Variants in CSMD1 observed in about 807,000 individuals in gnomAD.
CSMD1 encodes CUB and sushi domain-containing protein 1.
CSMD1 carries 213 observed loss-of-function variants against 417.5 expected under a neutral mutation model. That is an observed-to-expected ratio of 0.51 (90% CI 0.46 to 0.57). The LOEUF is 0.57. CSMD1 is among the 20% of genes least tolerant of loss of function. The pLI, the probability that CSMD1 is intolerant of heterozygous loss-of-function variation, is 0.00. For missense variants in CSMD1, 6,923 were observed against 4,529.7 expected, an observed-to-expected ratio of 1.53 and a Z score of -15.17; for synonymous variants, 2,862 against 1,736.8, an observed-to-expected ratio of 1.65 and a Z score of -16.11.
chr8:3,725,756 G>C (rs1422402583), intron 6 of CSMD1, among the ~76,000 whole-genome samples: 1 of 152,156 alleles, frequency 6.6e-6, no homozygotes, highest in African/African-American at 2.4e-5. Flanking sequence ...AGTGAGGGCA[G>C]AGTGGAAGGA....
chr8:2,965,335 G>A (rs936699794), intron 59 of CSMD1, among the ~76,000 whole-genome samples: 1 of 152,088 alleles, frequency 6.6e-6, no homozygotes, highest in Non-Finnish European at 1.5e-5. Context: ...AAACATCACG[G>A]TGCTAACACT....
chr8:3,259,632 T>G (rs1800910302), intron 26 of CSMD1, among the ~76,000 whole-genome samples: 1 of 152,188 alleles, frequency 6.6e-6, no homozygotes, highest in Non-Finnish European at 1.5e-5. Context: ...CTCCTCGAGA[T>G]TTTAATATGT....
chr8:4,798,247 G>A (rs28369591), intron 1 of CSMD1, among the ~76,000 whole-genome samples: 1 of 152,098 alleles, frequency 6.6e-6, no homozygotes, highest in Non-Finnish European at 1.5e-5. Flanking sequence ...CCACCTATGA[G>A]TGAGAACATG....
At chr8:4,360,695 A>G (rs1331463048) in intron 3 of CSMD1, among the ~76,000 whole-genome samples, 1 of 151,940 alleles carries the variant, frequency 6.6e-6, no homozygotes, top group African/African-American at 2.4e-5. Context: ...GGGTTTCAAC[A>G]TCTTAGCCAG....
chr8:3,381,260 C>A (rs1810610014), intron 18 of CSMD1, among the ~76,000 whole-genome samples: 1 of 151,440 alleles, frequency 6.6e-6, no homozygotes, highest in African/African-American at 2.4e-5. Flanking sequence ...TTCAACAGAT[C>A]TACCCACATG....
At chr8:4,301,684 G>C (rs1332695442) in intron 3 of CSMD1, among the ~76,000 whole-genome samples, 2 of 152,190 alleles carry the variant, frequency 1.3e-5, no homozygotes, top group Admixed American at 6.5e-5. Flanking sequence ...GCATGGACCA[G>C]ATTATTATTT....
At chr8:4,830,326 C>T (rs1243220149) in intron 1 of CSMD1, among the ~76,000 whole-genome samples, 1 of 152,194 alleles carries the variant, frequency 6.6e-6, no homozygotes, top group Non-Finnish European at 1.5e-5. Flanking sequence ...TTTCTCACTG[C>T]CAGCATCTAC....
intron 2 of CSMD1, among the ~76,000 whole-genome samples, chr8:4,436,781 C>T (rs150980373): frequency 6.6e-6 from 1 of 152,152 alleles, no homozygotes; most frequent in Non-Finnish European, 1.5e-5. Flanking sequence ...ATTTCTCTTT[C>T]AGTGCCTACC....
rs78142296 is a variant in CSMD1 at position 4,918,745 on chromosome 8, C to T, written c.85+75587G>A. 3.6e-4 allele frequency among the ~76,000 whole-genome samples: 55 copies of T among 151,978 alleles called. No homozygotes were observed. The East Asian group carries it at 8.3e-3, about 23-fold the overall frequency. On this transcript the variant is annotated intron_variant, in intron 1 of 69. Transcript: ENST00000635120. ...CAAGAACTTTCCAGTAATTAATTTC[C>T]ACACATATATGCAGGTATGTGCATA... is the stretch of plus-strand genomic sequence containing the variant.
At chr8:3,158,987 C>G (rs1399896289) in intron 38 of CSMD1, among the ~76,000 whole-genome samples, 1 of 152,186 alleles carries the variant, frequency 6.6e-6, no homozygotes. Flanking sequence ...TGCCACAAAA[C>G]TAACTTTCTC....
At chr8:3,021,392 C>G (rs139493750) in intron 51 of CSMD1, among the ~76,000 whole-genome samples, 2 of 152,206 alleles carry the variant, frequency 1.3e-5, no homozygotes, top group Non-Finnish European at 2.9e-5. Flanking sequence ...ACTCGGAAAT[C>G]TTGCCTGACT....
intron 6 of CSMD1, among the ~76,000 whole-genome samples, chr8:3,716,131 G>A (rs990788837): frequency 5.3e-5 from 8 of 152,168 alleles, no homozygotes; most frequent in African/African-American, 1.7e-4. Context: ...ACTCCACCCT[G>A]TTTGGGTTCC....
At chr8:4,256,073 G>T (rs1403489399) in intron 3 of CSMD1, among the ~76,000 whole-genome samples, 2 of 152,218 alleles carry the variant, frequency 1.3e-5, no homozygotes, top group African/African-American at 2.4e-5. Context: ...CCTGTAAGTT[G>T]TAGGCAAACG....
chr8:4,733,854 C>T (rs1810054412), intron 1 of CSMD1, among the ~76,000 whole-genome samples: 1 of 152,080 alleles, frequency 6.6e-6, no homozygotes, highest in African/African-American at 2.4e-5. Context: ...TACAAGAAGT[C>T]AATTTATTTC....
intron 1 of CSMD1, among the ~76,000 whole-genome samples, chr8:4,951,603 C>G (rs118123463): frequency 6.7e-6 from 1 of 149,434 alleles, no homozygotes; most frequent in Non-Finnish European, 1.5e-5. Flanking sequence ...GAAAAACCTG[C>G]GGGGTTTTTT....
intron 6 of CSMD1, among the ~76,000 whole-genome samples, chr8:3,728,909 C>CG (rs1802651299): frequency 6.6e-6 from 1 of 152,128 alleles, no homozygotes; most frequent in Admixed American, 6.5e-5. Context: ...AATCTATCAC[C>CG]GACTGCATTT....
At position 3,560,015 on chromosome 8, in the gene CSMD1, G is replaced by A. The variant is rs1799401629; in HGVS notation, c.1344+14930C>T. Among the ~76,000 whole-genome samples the A allele has an allele frequency of 1.3e-5, 2 of 152,138 alleles. 1 individual carries two copies. Among genetic ancestry groups the A allele is most frequent in the South Asian group, 4.1e-4 (2 of 4,834 alleles). On this transcript the variant is annotated intron_variant, in intron 10 of 69. Transcript: ENST00000635120. ...CTAACAAGATGAGTGGCCAGCGTAA[G>A]GGATTTAGTGTGGAGGGAATTTGGT...
In CSMD1 at chr8:4,955,596, C is replaced by A. The variant is rs191590877; in HGVS notation, c.85+38736G>T. On this transcript the variant is annotated intron_variant, in intron 1 of 69. Coordinates refer to ENST00000635120, the MANE Select transcript of CSMD1 (RefSeq NM_033225.6). ...TCAGCCTCCCGAGTAGCTGAGATTA[C>A]AAGCATGTACCACTACACCCGGCTA... Among the ~76,000 whole-genome samples, 1,398 of 152,184 alleles carry A rather than the reference C, an allele frequency of 9.2e-3. 11 individuals are homozygous for A. The highest frequency in any genetic ancestry group is 0.013 in the Non-Finnish European group (870 of 68,004).
At chr8:3,201,931 T>TCC in intron 31 of CSMD1, among the ~76,000 whole-genome samples, 2 of 152,260 alleles carry the variant, frequency 1.3e-5, no homozygotes, top group African/African-American at 4.8e-5. Context: ...TTTTGGCATT[T>TCC]AATAAAAGAA....
Sources: gnomAD v4.1 joint callset for allele counts (sites outside exome capture counted in the v4.1 genomes callset) on GRCh38, gnomAD v4.1.1 for gene constraint, MANE v1.5 for transcripts, NCBI Gene and HGNC (gene_info 2026-07-23, HGNC 2026-07-21) for gene names.